Variants in SNX29 observed in about 807,000 individuals in gnomAD.
SNX29 encodes the protein sorting nexin 29, also known as sorting nexin-29.
A neutral mutation model predicts 102.1 loss-of-function variants in SNX29; 78 were observed. The ratio of observed to expected loss-of-function variants is 0.76; its 90% CI spans 0.64 to 0.92. SNX29 has a LOEUF of 0.92. SNX29 is among the 40% of genes least tolerant of loss of function. The pLI is 0.00. For missense variants in SNX29, 1,280 were observed against 1,061.7 expected (o/e 1.21, Z -2.86); for synonymous variants, 580 against 414.5 (o/e 1.40, Z -4.85).
chr16:12,268,021 C>T (rs761631669), intron 14 of SNX29, among the ~76,000 whole-genome samples: 1 of 152,184 alleles, frequency 6.6e-6, no homozygotes, highest in African/African-American at 2.4e-5. Flanking sequence ...TTTGCATTTG[C>T]GGTTCCCGGG....
chr16:12,554,760 G>A lies in SNX29; in HGVS notation c.2319-13746G>A, dbSNP rs557781218. Among the ~76,000 whole-genome samples, 55 of 152,166 alleles carry A rather than the reference G, an allele frequency of 3.6e-4. 2 individuals are homozygous for A. In the South Asian group the frequency reaches 9.6e-3, roughly 26 times the overall value. ...GCATTTTCCTTAAGTGTATTAGAAC[G>A]TGCTCTCTCCCCCGCCATAGAATGC... On this transcript the variant is annotated intron_variant, in intron 20 of 20. Transcript: ENST00000566228.
chr16:12,476,826 G>C (rs886876264), intron 18 of SNX29, among the ~76,000 whole-genome samples: 2 of 152,100 alleles, frequency 1.3e-5, no homozygotes, highest in Non-Finnish European at 2.9e-5. Context: ...TGGCTTTCAC[G>C]TAGGAACAGA....
At chr16:12,489,199 A>G (rs2088409611) in intron 19 of SNX29, among the ~76,000 whole-genome samples, 1 of 152,104 alleles carries the variant, frequency 6.6e-6, no homozygotes, top group Non-Finnish European at 1.5e-5. Flanking sequence ...ATTCTCATTA[A>G]TATTTGAGAA....
intron 3 of SNX29, among the ~76,000 whole-genome samples, chr16:12,014,545 C>T (rs1371172417): frequency 1.3e-5 from 2 of 151,750 alleles, no homozygotes; most frequent in African/African-American, 4.8e-5. Context: ...CCCGCCTGAC[C>T]AACATAGAGA....
At chr16:12,559,676 G>A (rs1174242568) in intron 20 of SNX29, among the ~76,000 whole-genome samples, 2 of 151,958 alleles carry the variant, frequency 1.3e-5, no homozygotes, top group Non-Finnish European at 2.9e-5. Flanking sequence ...CCATGGGCCT[G>A]GGGCAGTAAC....
chr16:12,201,106 G>A (rs1887879679), intron 14 of SNX29, among the ~76,000 whole-genome samples: 1 of 152,178 alleles, frequency 6.6e-6, no homozygotes, highest in African/African-American at 2.4e-5. Flanking sequence ...TATTGGTGAT[G>A]CTATTTGATA....
At chr16:12,437,901 G>C (rs1419767257) in intron 18 of SNX29, among the ~76,000 whole-genome samples, 5 of 152,122 alleles carry the variant, frequency 3.3e-5, no homozygotes, top group Non-Finnish European at 7.3e-5. Flanking sequence ...TGCTGGGCTT[G>C]CTGCAGCTGC....
chr16:12,140,533 G>A (rs73519820), intron 13 of SNX29, among the ~76,000 whole-genome samples: 3,731 of 152,280 alleles, frequency 0.025, 165 homozygotes, highest in African/African-American at 0.086. Flanking sequence ...GATTGGGGGT[G>A]CATGCGGTGA....
At chr16:12,233,548 C>T (rs1429795072) in intron 14 of SNX29, among the ~76,000 whole-genome samples, 1 of 151,930 alleles carries the variant, frequency 6.6e-6, no homozygotes, top group Non-Finnish European at 1.5e-5. Flanking sequence ...TGCAATATAC[C>T]CATGTAACAA....
At chr16:12,361,083 T>A (rs1319144019) in intron 16 of SNX29, among the ~76,000 whole-genome samples, 1 of 152,220 alleles carries the variant, frequency 6.6e-6, no homozygotes, top group Admixed American at 6.5e-5. Flanking sequence ...GTGTTGCACA[T>A]TAGAGACTTG....
chr16:12,541,952 C>T (rs766687460), intron 20 of SNX29, among the ~76,000 whole-genome samples: 11 of 152,292 alleles, frequency 7.2e-5, no homozygotes, highest in South Asian at 6.2e-4. Flanking sequence ...CACAAGAGGA[C>T]GCTGGATCCA....
Position 12,572,360 on chromosome 16 carries a change from C to T in SNX29, c.*3731C>T, listed in dbSNP as rs1037824605. 7.5e-6 allele frequency: 8 copies of T among 1,062,914 alleles called. No individual in the cohort carries two copies. Among genetic ancestry groups the T allele is most frequent in the Admixed American group, 5.4e-5 (1 of 18,662 alleles). 65.8% of individuals were successfully genotyped at this position (1,062,914 alleles called of 1,614,324 possible). On this transcript the variant is annotated 3_prime_UTR_variant, in exon 21 of 21. Coordinates refer to ENST00000566228, the MANE Select transcript of SNX29 (RefSeq NM_032167.5). ...GCCTGCCTGGTTGATGGACAGCAGG[C>T]TCTGCCTTCTGGAGGCGGCTTATAT...
intron 14 of SNX29, among the ~76,000 whole-genome samples, chr16:12,229,249 A>G (rs778414233): frequency 2.6e-5 from 4 of 152,254 alleles, no homozygotes; most frequent in African/African-American, 9.6e-5. Context: ...ATTGGCCTCC[A>G]TAACTAAAGC....
At chr16:12,398,963 A>G (rs773284855) in intron 17 of SNX29, among the ~76,000 whole-genome samples, 6 of 152,152 alleles carry the variant, frequency 3.9e-5, no homozygotes, top group Non-Finnish European at 7.3e-5. Context: ...ATTGGAAACA[A>G]CAGTAGTCCA....
intron 3 of SNX29, 37 bp downstream of exon 3, chr16:12,003,080 G>T: frequency 6.2e-7 from 1 of 1,613,516 alleles, no homozygotes; most frequent in Non-Finnish European, 8.5e-7. Flanking sequence ...GACCATCGAG[G>T]TTGGAAAGGC....
chr16:12,103,375 G>T lies in SNX29; in HGVS notation c.1403-23258G>T, dbSNP rs544775462. 1.3e-5 allele frequency among the ~76,000 whole-genome samples: 2 copies of T among 152,296 alleles called. 1 individual carries two copies. Among genetic ancestry groups the T allele is most frequent in the African/African-American group, 4.8e-5 (2 of 41,570 alleles). ...AACAGATATATAGACCAGTGGAACAGAACAGAGGCCTCAGAAATAATGCCA... is the reference window on the plus strand; with the variant it reads ...AACAGATATATAGACCAGTGGAACATAACAGAGGCCTCAGAAATAATGCCA... On this transcript the variant is annotated intron_variant, in intron 11 of 20. Transcript: ENST00000566228.
rs1030194352 is a variant in SNX29 at position 11,976,793 on chromosome 16, C to CG, written c.-10dup. The CG allele has an allele frequency of 2.0e-5, 27 of 1,370,840 alleles. No individual in the cohort carries two copies. The African/African-American group carries it at 2.9e-4, about 15-fold the overall frequency. The allele number at this position is 1,370,840 out of a possible 1,614,324, so 84.9% of individuals were successfully genotyped here. A position where few individuals can be genotyped will look rare whatever the true frequency, so the allele number is the denominator to read the frequency against. ...CGGCGGCGCGGCGCAGGCACCGGCC[C>CG]GGGGAGAGGCACCATGAGCGGTGAG... On this transcript the variant is annotated 5_prime_UTR_variant, in exon 1 of 21. Transcript: ENST00000566228.
At position 12,058,625 on chromosome 16, in the gene SNX29, C is replaced by G. The variant is rs558816537; in HGVS notation, c.1125-2903C>G. On this transcript the variant is annotated intron_variant, in intron 8 of 20. Transcript: ENST00000566228. ...TCTCCTGCCTCACCCTTCCAAGTAG[C>G]TGGGATTACAAGCACCCACCACCAC... 4.6e-5 allele frequency among the ~76,000 whole-genome samples: 7 copies of G among 151,204 alleles called. No homozygotes were observed. In the East Asian group the frequency reaches 1.4e-3, roughly 29 times the overall value.
Position 12,560,578 on chromosome 16 carries a change from G to A in SNX29, c.2319-7928G>A, listed in dbSNP as rs139497511. 6.6e-5 allele frequency among the ~76,000 whole-genome samples: 10 copies of A among 152,264 alleles called. No homozygotes were observed. In the East Asian group the frequency reaches 9.6e-4, roughly 15 times the overall value. ...TGCTCAGTGTGATTCCTTGGGGTCT[G>A]TCCATCTGTACCTCTCATAAAGCAG... On this transcript the variant is annotated intron_variant, in intron 20 of 20. Coordinates refer to ENST00000566228, the MANE Select transcript of SNX29 (RefSeq NM_032167.5).
Sources: gnomAD v4.1 joint callset for allele counts (sites outside exome capture counted in the v4.1 genomes callset) on GRCh38, gnomAD v4.1.1 for gene constraint, MANE v1.5 for transcripts, NCBI Gene and HGNC (gene_info 2026-07-23, HGNC 2026-07-21) for gene names.